The following FBXW11 variants were observed in gnomAD, a reference collection of about 807,000 sequenced individuals.
FBXW11 encodes the protein F-box/WD repeat-containing protein 11.
In FBXW11, 19 loss-of-function variants were observed where a neutral mutation model predicts 77.6. The observed-to-expected ratio is 0.24, with a 90% CI of 0.17 to 0.36. The LOEUF is 0.36. Among genes scored for constraint, FBXW11 ranks in the 10% least tolerant of loss-of-function variants. The probability of loss-of-function intolerance (pLI) is 1.00; values close to 1 mark genes in which losing one functional copy is unlikely to be tolerated. For synonymous variants in FBXW11, 235 were observed against 249.4 expected, an observed-to-expected ratio of 0.94 and a Z score of 0.54; for missense variants, 334 against 704.2, an observed-to-expected ratio of 0.47 and a Z score of 5.95.
At chr5:171,973,417 C>A (rs752595111) in intron 1 of FBXW11, among the ~76,000 whole-genome samples, 7 of 152,152 alleles carry the variant, frequency 4.6e-5, no homozygotes, top group Non-Finnish European at 1.0e-4. Flanking sequence ...ATTCAAAAGA[C>A]AAGCTAATGC....
intron 2 of FBXW11, among the ~76,000 whole-genome samples, chr5:171,923,765 A>G (rs1270253168): frequency 2.0e-5 from 3 of 151,956 alleles, no homozygotes; most frequent in African/African-American, 7.3e-5. Context: ...TCTGAAATAG[A>G]GATGTTTCTT....
chr5:171,873,538 G>A (rs1300816122), intron 9 of FBXW11, among the ~76,000 whole-genome samples: 2 of 152,166 alleles, frequency 1.3e-5, no homozygotes, highest in Non-Finnish European at 2.9e-5. Context: ...GCTACTCAGG[G>A]AGCTGAGGTG....
At chr5:171,953,441 A>T (rs1480679546) in intron 2 of FBXW11, among the ~76,000 whole-genome samples, 1 of 152,200 alleles carries the variant, frequency 6.6e-6, no homozygotes, top group Non-Finnish European at 1.5e-5. Flanking sequence ...ATTAGAAAAC[A>T]GACAAGAGGC....
chr5:171,905,403 G>GA (rs1466030450), intron 4 of FBXW11, among the ~76,000 whole-genome samples: 44 of 152,178 alleles, frequency 2.9e-4, no homozygotes, highest in Non-Finnish European at 1.5e-5. Context: ...GTCTTGCTGC[G>GA]AAAGTTTAAA....
intron 1 of FBXW11, among the ~76,000 whole-genome samples, chr5:172,001,138 C>G (rs1766387802): frequency 6.6e-6 from 1 of 152,124 alleles, no homozygotes; most frequent in Non-Finnish European, 1.5e-5. Context: ...CTACCTTTGT[C>G]TTAAGATATT....
chr5:171,908,466 C>T (rs1308467458), intron 4 of FBXW11, among the ~76,000 whole-genome samples: 2 of 151,802 alleles, frequency 1.3e-5, no homozygotes, highest in African/African-American at 4.8e-5. Flanking sequence ...ACCCAATTAA[C>T]TTCTCCTTGG....
chr5:171,932,061 GAT>G (rs1009214112), intron 2 of FBXW11, among the ~76,000 whole-genome samples: 1 of 152,002 alleles, frequency 6.6e-6, no homozygotes, highest in African/African-American at 2.4e-5. Flanking sequence ...ATTTTGTGGA[GAT>G]GAGGTCTTGC....
chr5:171,908,839 G>C (rs1216314154), intron 4 of FBXW11: 1 of 152,160 alleles, frequency 6.6e-6, no homozygotes, highest in African/African-American at 2.4e-5. Flanking sequence ...GTTTGCTGTG[G>C]AAGTACTTAG....
rs191097913 is a variant in FBXW11, at chr5:171,896,136, T to C, written c.714+2868A>G. Among the ~76,000 whole-genome samples the C allele has an allele frequency of 9.9e-4, 150 of 152,256 alleles. 1 individual carries two copies. Among genetic ancestry groups the C allele is most frequent in the Non-Finnish European group, 1.7e-3 (115 of 68,016 alleles). On this transcript the variant is annotated intron_variant, in intron 6 of 13. Coordinates refer to ENST00000517395, the MANE Select transcript of FBXW11 (RefSeq NM_001378974.1). ...CAATGTAGAAGCGCAGATTCAGAGA[T>C]GAACATTTCCTTTCTCCTCATCAGA...
Position 171,914,373 on chromosome 5 carries a change from A to C in FBXW11, c.180T>G (p.Asp60Glu). ...NTSVMEDQNE[D>E]ESPKKNTLWQ... ...AAAGAGTATTTTTCTTTGGGGACTC[A>C]TCTTCATTTTGATCTTCCATAACTG... is the stretch of plus-strand genomic sequence containing the variant. The change falls in exon 3 of 14, where the codon GAT (aspartate) becomes GAG (glutamate). Residue 60 changes from aspartate to glutamate, a missense_variant. Coordinates refer to ENST00000517395, the MANE Select transcript of FBXW11 (RefSeq NM_001378974.1). The C allele has an allele frequency of 1.2e-6, 2 of 1,606,356 alleles. No homozygotes were observed. Among genetic ancestry groups the C allele is most frequent in the Non-Finnish European group, 1.7e-6 (2 of 1,177,124 alleles).
intron 1 of FBXW11, among the ~76,000 whole-genome samples, chr5:172,004,192 T>C (rs1298940317): frequency 6.6e-6 from 1 of 152,246 alleles, no homozygotes; most frequent in Admixed American, 6.5e-5. Context: ...ATTTACTCAA[T>C]CAGTTGTTAA....
intron 7 of FBXW11, among the ~76,000 whole-genome samples, chr5:171,883,334 C>T (rs1758652836): frequency 6.6e-6 from 1 of 152,116 alleles, no homozygotes; most frequent in South Asian, 2.1e-4. Flanking sequence ...AATGGTAGTT[C>T]TACTTTTAGT....
Position 171,869,958 on chromosome 5 carries a change from T to C in FBXW11, c.1452-151A>G. The stretch of plus-strand genomic sequence containing the variant: ...TGTTTTTACAAATCATCTGAACCAA[T>C]TACACTTGATTTTGGAAAAATTAAG... On this transcript the variant is annotated intron_variant, in intron 11 of 13. Transcript: ENST00000517395. The surrounding 1 kb of genome is among the most constrained non-coding windows in gnomAD (Gnocchi z 4.1). The C allele has an allele frequency of 2.2e-6, 1 of 451,814 alleles. No homozygotes were observed. The highest frequency in any genetic ancestry group is 3.6e-5 in the South Asian group (1 of 27,530). 28.0% of individuals were successfully genotyped at this position (451,814 alleles called of 1,614,324 possible).
chr5:171,898,021 C>T (rs1270799040), intron 6 of FBXW11, among the ~76,000 whole-genome samples: 1 of 152,104 alleles, frequency 6.6e-6, no homozygotes, highest in East Asian at 1.9e-4. Flanking sequence ...TAAAGGGTTA[C>T]TTTATAGATC....
Position 171,914,365 on chromosome 5 carries a change from G to A in FBXW11, c.188C>T (p.Pro63Leu), listed in dbSNP as rs756313939. ...VMEDQNEDES[P>L]KKNTLWQISN... ...TACCTGCCAAAGAGTATTTTTCTTT[G>A]GGGACTCATCTTCATTTTGATCTTC... is the stretch of plus-strand genomic sequence containing the variant. Residue 63 changes from proline (P) to leucine (L), a missense_variant, in exon 3 of 14, where the codon CCA becomes CTA. Pro to Leu is a moderately conservative substitution (Grantham distance 98). Coordinates refer to ENST00000517395, the MANE Select transcript of FBXW11 (RefSeq NM_001378974.1). 8 of 1,605,658 alleles carry A rather than the reference G, an allele frequency of 5.0e-6. No individual in the cohort carries two copies. The highest frequency in any genetic ancestry group is 6.8e-6 in the Non-Finnish European group (8 of 1,176,782).
intron 1 of FBXW11, among the ~76,000 whole-genome samples, chr5:172,005,974 G>A (rs1014469603): frequency 3.3e-5 from 5 of 152,208 alleles, no homozygotes; most frequent in Admixed American, 1.3e-4. Context: ...CTAGGCTGGG[G>A]AGTGGGTGCT....
At chr5:171,997,731 T>C (rs1298525671) in intron 1 of FBXW11, among the ~76,000 whole-genome samples, 4 of 152,232 alleles carry the variant, frequency 2.6e-5, no homozygotes, top group Admixed American at 1.3e-4. Flanking sequence ...TTAAGTCCTG[T>C]CCATATTATA....
At chr5:171,976,764 G>A (rs2113461084) in intron 1 of FBXW11, among the ~76,000 whole-genome samples, 1 of 152,064 alleles carries the variant, frequency 6.6e-6, no homozygotes, top group Admixed American at 6.6e-5. Flanking sequence ...ATAAATCTCT[G>A]GGCCGGGTGT....
intron 1 of FBXW11, among the ~76,000 whole-genome samples, chr5:171,961,762 T>G (rs892767402): frequency 1.7e-4 from 26 of 152,284 alleles, no homozygotes; most frequent in African/African-American, 6.0e-4. Context: ...TTCTCCTGCC[T>G]CAGCCTCCCG....
Sources: gnomAD v4.1 joint callset for allele counts (sites outside exome capture counted in the v4.1 genomes callset) on GRCh38, gnomAD v4.1.1 for gene constraint, Gnocchi (gnomAD v3.1) non-coding constraint, MANE v1.5 for transcripts, NCBI Gene and HGNC (gene_info 2026-07-23, HGNC 2026-07-21) for gene names.